DACT1: variants seen among roughly 807,000 people sequenced by gnomAD.
The protein encoded by DACT1 is dapper homolog 1.
Under a neutral mutation model 35.3 loss-of-function variants are expected in DACT1, and 19 were observed. The observed-to-expected ratio is 0.54, with a 90% CI of 0.38 to 0.79. The LOEUF is 0.79. Among genes scored for constraint, DACT1 ranks in the 30% least tolerant of loss-of-function variants. DACT1 has a pLI of 0.00. For missense variants in DACT1, 1,143 were observed against 1,057.5 expected (o/e 1.08, Z -1.12); for synonymous variants, 545 against 466.7 (o/e 1.17, Z -2.16).
chr14:58,645,871 G>C lies in DACT1; in HGVS notation c.1137G>C (p.Pro379=), dbSNP rs201114969. ...PSLNNGTFSP[P]KQWSKESKAE... is the part of the protein sequence containing the mutation. The stretch of plus-strand genomic sequence containing the variant: ...TGAACAATGGGACATTCTCCCCACC[G>C]AAGCAGTGGTCGAAAGAATCAAAGG... The change falls in exon 4 of 4, where the codon CCG becomes CCC. Residue 379 remains proline, a synonymous_variant. Transcript: ENST00000395153. 2 of 1,614,120 alleles carry C rather than the reference G, an allele frequency of 1.2e-6. No homozygotes were observed. The highest frequency in any genetic ancestry group is 2.2e-5 in the East Asian group (1 of 44,890).
chr14:58,643,126 C>T (rs371362191), intron 3 of DACT1, among the ~76,000 whole-genome samples: 1 of 152,234 alleles, frequency 6.6e-6, no homozygotes, highest in Non-Finnish European at 1.5e-5. Flanking sequence ...TCAGGCCTAA[C>T]TGCCAGGTCC....
At chr14:58,640,010 T>C (rs909799526) in intron 1 of DACT1, among the ~76,000 whole-genome samples, 8 of 152,262 alleles carry the variant, frequency 5.3e-5, no homozygotes, top group African/African-American at 1.9e-4. Context: ...GGTACTATTT[T>C]CATTTGTAGA....
At chr14:58,641,289 T>C (rs2047624620) in intron 2 of DACT1, among the ~76,000 whole-genome samples, 1 of 151,898 alleles carries the variant, frequency 6.6e-6, no homozygotes, top group Non-Finnish European at 1.5e-5. Context: ...ATGATAAAGA[T>C]GAGGCTTGAC....
upstream of DACT1, among the ~76,000 whole-genome samples, chr14:58,637,092 C>T (rs1283093610): frequency 1.3e-5 from 2 of 152,218 alleles, no homozygotes; most frequent in African/African-American, 4.8e-5. Context: ...GGGGAACGTA[C>T]ACAGAGAAGG....
At chr14:58,645,197 A>G (rs1470399818) in intron 3 of DACT1, 172 bp from the exon 4 acceptor site, 3 of 1,397,704 alleles carry the variant, frequency 2.1e-6, no homozygotes, top group East Asian at 2.3e-5. Flanking sequence ...AAATTGGCCA[A>G]AGAGTCAAGC....
chr14:58,636,406 G>C (rs1869220341), upstream of DACT1, among the ~76,000 whole-genome samples: 1 of 152,222 alleles, frequency 6.6e-6, no homozygotes, highest in African/African-American at 2.4e-5. Flanking sequence ...GCGATACTAA[G>C]AGGGTATTAA....
intron 3 of DACT1, among the ~76,000 whole-genome samples, chr14:58,644,765 G>C (rs1566508907): frequency 6.6e-6 from 1 of 152,186 alleles, no homozygotes; most frequent in Non-Finnish European, 1.5e-5. Context: ...GCAGCCTAGA[G>C]AAACAGTGAT....
At chr14:58,637,103 G>A (rs949838769), upstream of DACT1, among the ~76,000 whole-genome samples, 1 of 152,208 alleles carries the variant, frequency 6.6e-6, no homozygotes, top group African/African-American at 2.4e-5. Flanking sequence ...ACAGAGAAGG[G>A]AGTAAGTTGC....
intron 1 of DACT1, chr14:58,639,021 A>G: frequency 1.0e-6 from 1 of 985,016 alleles, no homozygotes; most frequent in Non-Finnish European, 1.2e-6. Flanking sequence ...TCCAGGGCCG[A>G]GTTTTACGAT....
In DACT1 at chr14:58,640,752, G is replaced by C. The variant is rs752463983; in HGVS notation, c.362G>C (p.Arg121Thr). The C allele has an allele frequency of 1.9e-6, 3 of 1,614,068 alleles. No homozygotes were observed. Among genetic ancestry groups the C allele is most frequent in the Non-Finnish European group, 2.5e-6 (3 of 1,180,034 alleles). The change falls in exon 2 of 4, where the codon AGA becomes ACA. Residue 121 changes from arginine (R) to threonine (T), a missense_variant. By Grantham distance (71) the Arg-to-Thr change is moderately conservative. Around this residue, in one of 3 missense-constraint regions of DACT1, gnomAD observed 1,054 missense variants for 958.8 expected, o/e 1.10. Transcript: ENST00000395153. Reference protein sequence around the residue: ...LRKQLNCLRRRDAGLLNQLQE... With the variant: ...LRKQLNCLRRTDAGLLNQLQE... Reference sequence around the variant, plus strand: ...CCTAATCAGAACTGTTTGAGGCGAAGAGATGCTGGTTTGTTGAATCAGTTG... The same window carrying C: ...CCTAATCAGAACTGTTTGAGGCGAACAGATGCTGGTTTGTTGAATCAGTTG...
intron 1 of DACT1, chr14:58,638,950 T>A (rs2047601884): frequency 3.0e-6 from 3 of 990,008 alleles, no homozygotes; most frequent in Non-Finnish European, 2.4e-6. Flanking sequence ...TTTCTTGACT[T>A]TATCTCCTCC....
intron 1 of DACT1, among the ~76,000 whole-genome samples, chr14:58,639,943 C>T (rs1595596299): frequency 6.6e-6 from 1 of 152,206 alleles, no homozygotes; most frequent in African/African-American, 2.4e-5. Context: ...TTCCTATTGT[C>T]CGCTTGAGGG....
upstream of DACT1, among the ~76,000 whole-genome samples, chr14:58,636,943 C>T (rs1392052059): frequency 6.6e-6 from 1 of 152,144 alleles, no homozygotes; most frequent in Non-Finnish European, 1.5e-5. Flanking sequence ...TGGAGAAAAG[C>T]TACAACTCAT....
In DACT1 at chr14:58,647,850, A is replaced by G. The variant is rs909170960; in HGVS notation, c.*716A>G. ...TTAGATGCCTTCTTTTCCCTCCCTA[A>G]TTTGTAGCCAGTCCAACCTTTCATT... On this transcript the variant is annotated 3_prime_UTR_variant, in exon 4 of 4. Coordinates refer to ENST00000395153, the MANE Select transcript of DACT1 (RefSeq NM_001079520.2). 4 of 167,044 alleles carry G rather than the reference A, an allele frequency of 2.4e-5. No homozygotes were observed. Among genetic ancestry groups the G allele is most frequent in the African/African-American group, 9.7e-5 (4 of 41,406 alleles). The allele number at this position is 167,044 out of a possible 1,614,324, so 10.3% of individuals were successfully genotyped here.
rs2047708950 is a variant in DACT1 at position 58,647,809 on chromosome 14, GC to G, written c.*677del. On this transcript the variant is annotated 3_prime_UTR_variant, in exon 4 of 4. Coordinates refer to ENST00000395153, the MANE Select transcript of DACT1 (RefSeq NM_001079520.2). The stretch of plus-strand genomic sequence containing the variant: ...CCTGTTCCTAATAACCCCTTCTAGG[GC>G]CGTTTATCCAACATTTAGATGCCTT... 6.0e-6 allele frequency: 1 copy of G among 167,082 alleles called. No individual in the cohort carries two copies. The highest frequency in any genetic ancestry group is 6.5e-5 in the Admixed American group (1 of 15,280). The allele number at this position is 167,082 out of a possible 1,614,324, so 10.3% of individuals were successfully genotyped here. A position where few individuals can be genotyped will look rare whatever the true frequency, so the allele number is the denominator to read the frequency against.
In DACT1 at chr14:58,646,718, C is replaced by T. The variant is rs370918124; in HGVS notation, c.1984C>T (p.Arg662Trp). ...EALRRARRGRRENVGLYPAPV... is the reference protein window; with the variant it reads ...EALRRARRGRWENVGLYPAPV... ...CCTGAGGAGGGCCCGGCGCGGTCGC[C>T]GGGAGAATGTGGGGCTGTACCCCGC... Residue 662 changes from arginine to tryptophan, a missense_variant, in exon 4 of 4, where the codon CGG (arginine) becomes TGG (tryptophan). Around this residue, in one of 3 missense-constraint regions of DACT1, gnomAD observed 1,054 missense variants for 958.8 expected, o/e 1.10. Transcript: ENST00000395153. 5.6e-6 allele frequency: 9 copies of T among 1,613,268 alleles called. No individual in the cohort carries two copies. Among genetic ancestry groups the T allele is most frequent in the African/African-American group, 4.0e-5 (3 of 74,902 alleles).
intron 2 of DACT1, among the ~76,000 whole-genome samples, chr14:58,641,339 G>A (rs914819882): frequency 9.9e-5 from 15 of 152,078 alleles, no homozygotes; most frequent in South Asian, 2.1e-4. Context: ...CAAAGGCGGG[G>A]TCAAGGAATA....
upstream of DACT1, among the ~76,000 whole-genome samples, chr14:58,634,943 T>C (rs1189155696): frequency 6.6e-6 from 1 of 152,232 alleles, no homozygotes; most frequent in Non-Finnish European, 1.5e-5. Flanking sequence ...AAGACTCTTT[T>C]TCATGCTGGC....
chr14:58,641,679 C>T lies in DACT1; in HGVS notation c.566C>T (p.Ser189Phe). 1 of 1,614,226 alleles carries T rather than the reference C, an allele frequency of 6.2e-7. No homozygotes were observed. The highest frequency in any genetic ancestry group is 8.5e-7 in the Non-Finnish European group (1 of 1,180,046). ...AGTGAGTGTTTATCCAGTTGTCATTCCAGCACCTGCTTTTGCAGCCCCTTG... is the reference window on the plus strand; with the variant it reads ...AGTGAGTGTTTATCCAGTTGTCATTTCAGCACCTGCTTTTGCAGCCCCTTG... ...VFSECLSSCH[S>F]STCFCSPLEA... Residue 189 changes from serine (S) to phenylalanine (F), a missense_variant, in exon 3 of 4, where the codon TCC (serine) becomes TTC (phenylalanine). By Grantham distance (155) the Ser-to-Phe change is radical. Coordinates refer to ENST00000395153, the MANE Select transcript of DACT1 (RefSeq NM_001079520.2).
Sources: gnomAD v4.1 joint callset for allele counts (sites outside exome capture counted in the v4.1 genomes callset) on GRCh38, gnomAD v4.1.1 for gene constraint, gnomAD v4.1.1 regional missense constraint, MANE v1.5 for transcripts, NCBI Gene and HGNC (gene_info 2026-07-23, HGNC 2026-07-21) for gene names.